The following GALNTL6 variants were observed in gnomAD, a reference collection of about 807,000 sequenced individuals.
GALNTL6 encodes the protein polypeptide N-acetylgalactosaminyltransferase-like 6.
In GALNTL6, 46 loss-of-function variants were observed where a neutral mutation model predicts 73.7. The ratio of observed to expected loss-of-function variants is 0.62; its 90% CI spans 0.49 to 0.80. GALNTL6 has a LOEUF of 0.80. Ranked by LOEUF, GALNTL6 falls within the 30% of genes least tolerant of loss-of-function variation. The pLI, the probability that GALNTL6 is intolerant of heterozygous loss-of-function variation, is 0.00. For synonymous variants in GALNTL6, 259 were observed against 263.7 expected (o/e 0.98, Z 0.17); for missense variants, 604 against 755.0 (o/e 0.80, Z 2.34).
At chr4:172,173,316 A>C (rs1390567621) in intron 2 of GALNTL6, among the ~76,000 whole-genome samples, 3 of 152,146 alleles carry the variant, frequency 2.0e-5, no homozygotes, top group Non-Finnish European at 4.4e-5. Flanking sequence ...ATGGGAATAA[A>C]CTCTGTCCTG....
chr4:172,038,833 G>A (rs1272344768), intron 2 of GALNTL6, among the ~76,000 whole-genome samples: 2 of 152,162 alleles, frequency 1.3e-5, no homozygotes, highest in African/African-American at 2.4e-5. Context: ...TGATAATGCC[G>A]GAAGTGAAAT....
chr4:171,858,268 A>T (rs955902196), intron 2 of GALNTL6, among the ~76,000 whole-genome samples: 4 of 152,132 alleles, frequency 2.6e-5, no homozygotes, highest in Non-Finnish European at 2.9e-5. Flanking sequence ...AATAATAAAA[A>T]CATATTATCA....
rs1362324337 is a variant in GALNTL6, at chr4:172,737,178, A to G, written c.554-72183A>G. 3.9e-5 allele frequency among the ~76,000 whole-genome samples: 6 copies of G among 152,174 alleles called. No individual in the cohort carries two copies. In the East Asian group the frequency reaches 1.2e-3, roughly 29 times the overall value. The stretch of plus-strand genomic sequence containing the variant: ...TTCAAGTTTTGAAACACTTTCTGTT[A>G]TAGTTTCTTTGAATAGGCTTTCTAC... On this transcript the variant is annotated intron_variant, in intron 5 of 12. Coordinates refer to ENST00000506823, the MANE Select transcript of GALNTL6 (RefSeq NM_001034845.3).
intron 8 of GALNTL6, among the ~76,000 whole-genome samples, chr4:172,928,221 A>T (rs1748159318): frequency 6.6e-6 from 1 of 152,196 alleles, no homozygotes; most frequent in South Asian, 2.1e-4. Context: ...CCTTTACAGA[A>T]AGAGTTTGCA....
intron 5 of GALNTL6, among the ~76,000 whole-genome samples, chr4:172,624,354 C>A (rs1739074410): frequency 6.6e-6 from 1 of 151,640 alleles, no homozygotes; most frequent in African/African-American, 2.4e-5. Context: ...TCTCAGGTTA[C>A]AATTGTGTGG....
At chr4:171,955,763 A>G (rs536185042) in intron 2 of GALNTL6, among the ~76,000 whole-genome samples, 1 of 121,246 alleles carries the variant, frequency 8.2e-6, no homozygotes, top group Non-Finnish European at 2.0e-5. Context: ...GTGTGTGTAT[A>G]CGTGTGTGTA....
At chr4:172,328,237 G>C (rs1470447227) in intron 4 of GALNTL6, among the ~76,000 whole-genome samples, 3 of 152,038 alleles carry the variant, frequency 2.0e-5, no homozygotes, top group Non-Finnish European at 2.9e-5. Flanking sequence ...CTTTCTTGTA[G>C]AGTTTCTGCT....
chr4:172,163,544 A>G (rs1734534679), intron 2 of GALNTL6, among the ~76,000 whole-genome samples: 1 of 152,144 alleles, frequency 6.6e-6, no homozygotes, highest in African/African-American at 2.4e-5. Context: ...GATTTCTTCA[A>G]AGTAACCTAA....
At chr4:172,762,985 C>T (rs1415354021) in intron 5 of GALNTL6, among the ~76,000 whole-genome samples, 1 of 145,366 alleles carries the variant, frequency 6.9e-6, no homozygotes, top group Non-Finnish European at 1.5e-5. Flanking sequence ...ATGATGGCTG[C>T]CAGTGACATC....
At chr4:171,828,247 A>G (rs1240877411) in intron 2 of GALNTL6, among the ~76,000 whole-genome samples, 1 of 152,218 alleles carries the variant, frequency 6.6e-6, no homozygotes, top group Non-Finnish European at 1.5e-5. Context: ...GCATCTGCTT[A>G]AAACACTGTG....
intron 5 of GALNTL6, among the ~76,000 whole-genome samples, chr4:172,749,553 T>A (rs1001237687): frequency 7.9e-5 from 12 of 152,186 alleles, no homozygotes; most frequent in Non-Finnish European, 1.8e-4. Flanking sequence ...ACACTGTTTT[T>A]AAAATTACTA....
At chr4:172,679,866 C>T (rs1363352368) in intron 5 of GALNTL6, among the ~76,000 whole-genome samples, 2 of 152,100 alleles carry the variant, frequency 1.3e-5, no homozygotes, top group South Asian at 2.1e-4. Context: ...ATATTGTCTC[C>T]GTGTCTTCTC....
intron 2 of GALNTL6, among the ~76,000 whole-genome samples, chr4:171,852,252 T>C (rs140974349): frequency 2.0e-5 from 3 of 152,350 alleles, no homozygotes; most frequent in East Asian, 1.9e-4. Flanking sequence ...TATCACTGTG[T>C]TCTGCTTTCT....
At chr4:172,705,561 G>A (rs1480214239) in intron 5 of GALNTL6, among the ~76,000 whole-genome samples, 1 of 151,130 alleles carries the variant, frequency 6.6e-6, no homozygotes. Context: ...AATTTTCTCT[G>A]GGTATTTACT....
intron 5 of GALNTL6, among the ~76,000 whole-genome samples, chr4:172,573,533 C>G (rs190999343): frequency 6.6e-6 from 1 of 152,100 alleles, no homozygotes; most frequent in East Asian, 1.9e-4. Context: ...GAGAATTGTT[C>G]CAGTAATCTA....
intron 2 of GALNTL6, among the ~76,000 whole-genome samples, chr4:172,136,736 T>C (rs774557067): frequency 1.1e-4 from 17 of 152,064 alleles, no homozygotes; most frequent in Admixed American, 7.2e-4. Flanking sequence ...CAGCTCCATA[T>C]ACATAGATTG....
intron 5 of GALNTL6, among the ~76,000 whole-genome samples, chr4:172,355,987 G>C (rs186085226): frequency 2.6e-5 from 4 of 152,216 alleles, no homozygotes; most frequent in Admixed American, 2.0e-4. Flanking sequence ...ACTTTTAAAG[G>C]TAGAGAAAAG....
intron 5 of GALNTL6, among the ~76,000 whole-genome samples, chr4:172,490,292 G>GA (rs1204129655): frequency 6.6e-6 from 1 of 151,630 alleles, no homozygotes; most frequent in African/African-American, 2.4e-5. Flanking sequence ...ATAATAAATA[G>GA]AAAAAAAATG....
rs182004627 is a variant in GALNTL6 at position 172,724,533 on chromosome 4, G to C, written c.554-84828G>C. Among the ~76,000 whole-genome samples, 227 of 152,272 alleles carry C rather than the reference G, an allele frequency of 1.5e-3. 2 individuals carry two copies. Among genetic ancestry groups the C allele is most frequent in the African/African-American group, 5.2e-3 (215 of 41,566 alleles). On this transcript the variant is annotated intron_variant, in intron 5 of 12. Transcript: ENST00000506823. ...TGTTCAACTTTGTATATTAGCCTTT[G>C]CACAACTGTCTTGTGCTTTTTCTGT...
Sources: allele counts gnomAD v4.1 joint callset (sites outside exome capture counted in the v4.1 genomes callset), GRCh38; gene constraint gnomAD v4.1.1; transcripts MANE v1.5; gene names NCBI Gene and HGNC (gene_info 2026-07-23, HGNC 2026-07-21).